MED12L: variants seen among roughly 807,000 people sequenced by gnomAD.
MED12L encodes the protein mediator complex subunit 12L, also known as mediator of RNA polymerase II transcription subunit 12-like protein.
MED12L carries 60 observed loss-of-function variants against 281.3 expected under a neutral mutation model. That is an observed-to-expected ratio of 0.21 (90% CI 0.17 to 0.26). MED12L has a LOEUF of 0.26. MED12L is among the 10% of genes least tolerant of loss of function. MED12L has a pLI of 1.00. For synonymous variants in MED12L, 974 were observed against 987.2 expected, an observed-to-expected ratio of 0.99 and a Z score of 0.25; for missense variants, 2,146 against 2,680.9, an observed-to-expected ratio of 0.80 and a Z score of 4.41.
At chr3:151,223,605 A>G (rs1352596081) in intron 16 of MED12L, among the ~76,000 whole-genome samples, 3 of 152,336 alleles carry the variant, frequency 2.0e-5, no homozygotes, top group African/African-American at 7.2e-5. Flanking sequence ...CAAATACCAC[A>G]TATTTTCACT....
intron 16 of MED12L, among the ~76,000 whole-genome samples, chr3:151,215,830 G>T (rs570662325): frequency 6.6e-6 from 1 of 152,272 alleles, no homozygotes; most frequent in South Asian, 2.1e-4. Flanking sequence ...CCCCAGCACT[G>T]AGTTCCTGCT....
intron 2 of MED12L, among the ~76,000 whole-genome samples, chr3:151,114,585 G>T (rs1040173453): frequency 6.6e-6 from 1 of 152,042 alleles, no homozygotes; most frequent in Admixed American, 6.6e-5. Flanking sequence ...TTCTTGTGCC[G>T]TGGCTACCAT....
chr3:151,173,617 G>C (rs1407922074), intron 11 of MED12L, among the ~76,000 whole-genome samples: 1 of 152,176 alleles, frequency 6.6e-6, no homozygotes. Flanking sequence ...AAATCCTCAA[G>C]TTGAGCACGC....
intron 39 of MED12L, among the ~76,000 whole-genome samples, chr3:151,402,466 T>TA (rs1715808297): frequency 6.6e-6 from 1 of 152,220 alleles, no homozygotes; most frequent in Non-Finnish European, 1.5e-5. Context: ...TTACTGGGGA[T>TA]GGGGCTAATT....
chr3:151,338,755 G>A (rs137981161), intron 16 of MED12L: 3 of 1,613,060 alleles, frequency 1.9e-6, no homozygotes, highest in Non-Finnish European at 2.5e-6. Flanking sequence ...ACAGTGTAGA[G>A]CAGTGGGAAG....
At chr3:151,298,310 A>G (rs1245486084) in intron 16 of MED12L, among the ~76,000 whole-genome samples, 3 of 152,196 alleles carry the variant, frequency 2.0e-5, no homozygotes, top group Non-Finnish European at 4.4e-5. Flanking sequence ...CTGACAGTAA[A>G]GAACTTGGCC....
chr3:151,431,798 C>A (rs1047167128), intron 44 of MED12L, among the ~76,000 whole-genome samples: 16 of 152,166 alleles, frequency 1.1e-4, no homozygotes, highest in Non-Finnish European at 1.5e-4. Flanking sequence ...CTCTCTAGGA[C>A]CCAGGCACTA....
At chr3:151,266,717 G>A (rs539290203) in intron 16 of MED12L, among the ~76,000 whole-genome samples, 8 of 152,180 alleles carry the variant, frequency 5.3e-5, no homozygotes, top group Non-Finnish European at 1.2e-4. Flanking sequence ...TTTGGGACTT[G>A]GTGGCTTGGC....
intron 39 of MED12L, 72 bp downstream of exon 39, chr3:151,394,939 ATGTAGCATATT>A: frequency 6.3e-7 from 1 of 1,593,444 alleles, no homozygotes. Context: ...AGTTTGGGAT[ATGTAGCATATT>A]CTTTCTGTAT....
At chr3:151,430,818 A>C (rs531703382) in intron 44 of MED12L, among the ~76,000 whole-genome samples, 16 of 119,860 alleles carry the variant, frequency 1.3e-4, no homozygotes, top group Non-Finnish European at 3.1e-4. Flanking sequence ...TGTTCTTACC[A>C]CTGCACCATC....
At chr3:151,352,614 C>T (rs1170858899) in intron 17 of MED12L, among the ~76,000 whole-genome samples, 1 of 141,130 alleles carries the variant, frequency 7.1e-6, no homozygotes, top group African/African-American at 2.7e-5. Context: ...TTTCTGGGAA[C>T]ACATGAAAAT....
intron 5 of MED12L, among the ~76,000 whole-genome samples, chr3:151,128,644 G>A (rs992297661): frequency 6.6e-6 from 1 of 152,144 alleles, no homozygotes; most frequent in African/African-American, 2.4e-5. Context: ...TCTCTTCATT[G>A]CAGCTTTGGC....
rs1441922992 is a variant in MED12L at position 151,127,745 on chromosome 3, T to G, written c.397-80T>G. 5 of 1,004,066 alleles carry G rather than the reference T, an allele frequency of 5.0e-6. No individual in the cohort carries two copies. In the East Asian group the frequency reaches 1.1e-4, roughly 21 times the overall value. The allele number at this position is 1,004,066 out of a possible 1,614,324, so 62.2% of individuals were successfully genotyped here. The stretch of plus-strand genomic sequence containing the variant: ...CAGGTAACTTACAGACTCTTTCTTT[T>G]GCTTCCCCTTTATTTAGGTTTATCT... On this transcript the variant is annotated intron_variant, in intron 4 of 44. Coordinates refer to ENST00000687756, the MANE Select transcript of MED12L (RefSeq NM_001393769.1).
intron 44 of MED12L, 128 bp from the exon 45 acceptor site, chr3:151,432,624 T>G: frequency 1.5e-6 from 1 of 684,080 alleles, no homozygotes; most frequent in South Asian, 1.9e-5. Flanking sequence ...AGGGCAAGGA[T>G]AGTACTCTCC....
intron 28 of MED12L, 138 bp downstream of exon 28, chr3:151,376,352 A>T (rs914183350): frequency 4.4e-6 from 3 of 681,252 alleles, no homozygotes; most frequent in Non-Finnish European, 6.7e-6. Context: ...TTTCTGTGGA[A>T]TTGACATACT....
chr3:151,249,947 T>C (rs2149443868), intron 16 of MED12L, among the ~76,000 whole-genome samples: 1 of 152,292 alleles, frequency 6.6e-6, no homozygotes, highest in East Asian at 1.9e-4. Context: ...GTTTCTTTCC[T>C]TCTGTCCTAG....
At chr3:151,220,795 C>T (rs1729191529) in intron 16 of MED12L, among the ~76,000 whole-genome samples, 1 of 152,182 alleles carries the variant, frequency 6.6e-6, no homozygotes, top group African/African-American at 2.4e-5. Context: ...TTTTTATCAG[C>T]AGTGTGAAAA....
intron 16 of MED12L, among the ~76,000 whole-genome samples, chr3:151,201,771 T>A (rs1576954622): frequency 1.3e-5 from 2 of 152,246 alleles, no homozygotes; most frequent in East Asian, 3.8e-4. Flanking sequence ...CTTCTTTATG[T>A]GAAAAACTAG....
intron 2 of MED12L, among the ~76,000 whole-genome samples, chr3:151,088,747 A>G (rs1411230450): frequency 6.6e-6 from 1 of 152,208 alleles, no homozygotes; most frequent in African/African-American, 2.4e-5. Flanking sequence ...CCTTTTGACT[A>G]AGTGAAACAG....
Sources: gnomAD v4.1 joint callset for allele counts (sites outside exome capture counted in the v4.1 genomes callset) on GRCh38, gnomAD v4.1.1 for gene constraint, MANE v1.5 for transcripts, NCBI Gene and HGNC (gene_info 2026-07-23, HGNC 2026-07-21) for gene names.